SPRY3: variants seen among roughly 807,000 people sequenced by gnomAD.
The protein encoded by SPRY3 is protein sprouty homolog 3.
A neutral mutation model predicts 20.2 loss-of-function variants in SPRY3; 15 were observed. The observed-to-expected ratio is 0.74, with a 90% confidence interval of 0.50 to 1.14. The LOEUF is 1.14. Ranked by LOEUF, SPRY3 falls within the 50% of genes most tolerant of loss-of-function variation. The pLI is 0.00. For missense variants in SPRY3, 364 were observed against 363.9 expected (o/e 1.00, Z 0.00); for synonymous variants, 143 against 136.5 (o/e 1.05, Z -0.33).
chrX:155,760,577 A>C (rs2124591378), intron 2 of SPRY3, among the ~76,000 whole-genome samples: 1 of 152,228 alleles, frequency 6.6e-6, no homozygotes, highest in South Asian at 2.1e-4. Context: ...ACTTTTTGGC[A>C]CCAGGGACCG....
At chrX:155,651,240 G>T (rs2067976485) in intron 1 of SPRY3, among the ~76,000 whole-genome samples, 1 of 109,874 alleles carries the variant, frequency 9.1e-6, no homozygotes. Flanking sequence ...GCTAATTTTT[G>T]TATTTTTAGT....
intron 2 of SPRY3, among the ~76,000 whole-genome samples, chrX:155,749,642 T>C (rs971698480): frequency 6.6e-6 from 1 of 151,690 alleles, no homozygotes; most frequent in Non-Finnish European, 1.5e-5. Context: ...GTGATAGAAA[T>C]TGAGGTGAGG....
chrX:155,693,733 T>C (rs962287833), intron 2 of SPRY3, among the ~76,000 whole-genome samples: 7 of 112,303 alleles, frequency 6.2e-5, no homozygotes, highest in African/African-American at 2.3e-4. Flanking sequence ...AAGTGTGCCA[T>C]TTTGAGGCAG....
intron 2 of SPRY3, among the ~76,000 whole-genome samples, chrX:155,659,285 C>CTT (rs2068002887): frequency 9.1e-6 from 1 of 110,079 alleles, no homozygotes; most frequent in African/African-American, 3.3e-5. Flanking sequence ...GCTGGGACTA[C>CTT]AGGTGTCTGC....
chrX:155,715,206 T>C (rs1405410222), intron 2 of SPRY3, among the ~76,000 whole-genome samples: 1 of 150,282 alleles, frequency 6.7e-6, no homozygotes, highest in Non-Finnish European at 1.5e-5. Context: ...GAAGTCAGCA[T>C]ATCTCAGAGC....
chrX:155,686,780 T>C (rs2124570996), intron 2 of SPRY3, among the ~76,000 whole-genome samples: 1 of 112,361 alleles, frequency 8.9e-6, no homozygotes. Flanking sequence ...CTGCATCCAA[T>C]AGAGAAGAAT....
At chrX:155,616,819 C>A (rs782778828) in intron 1 of SPRY3, among the ~76,000 whole-genome samples, 6 of 110,857 alleles carry the variant, frequency 5.4e-5, no homozygotes, top group African/African-American at 1.6e-4. Context: ...GCTAAAACCA[C>A]AACAGTTCAG....
intron 2 of SPRY3, among the ~76,000 whole-genome samples, chrX:155,711,032 A>G (rs1048553469): frequency 2.6e-5 from 4 of 151,838 alleles, no homozygotes; most frequent in African/African-American, 9.6e-5. Context: ...ATGATAAATG[A>G]TCTTCTCAGT....
At chrX:155,766,317 C>T (rs1307233041) in intron 2 of SPRY3, among the ~76,000 whole-genome samples, 1 of 152,070 alleles carries the variant, frequency 6.6e-6, no homozygotes, top group African/African-American at 2.4e-5. Context: ...GACAGAGTGT[C>T]AGAGGTAGAA....
chrX:155,636,320 T>C (rs1557351020), intron 1 of SPRY3, among the ~76,000 whole-genome samples: 1 of 112,019 alleles, frequency 8.9e-6, no homozygotes, highest in African/African-American at 3.3e-5. Flanking sequence ...GGGGAACCTC[T>C]TTGTATTTCT....
intron 2 of SPRY3, among the ~76,000 whole-genome samples, chrX:155,765,743 T>C (rs1473974902): frequency 6.6e-6 from 1 of 152,212 alleles, no homozygotes; most frequent in Admixed American, 6.5e-5. Flanking sequence ...ACCCAGCTAT[T>C]CAACTTTAAA....
intron 2 of SPRY3, among the ~76,000 whole-genome samples, chrX:155,739,935 C>T (rs2091194736): frequency 6.6e-6 from 1 of 152,132 alleles, no homozygotes; most frequent in Non-Finnish European, 1.5e-5. Flanking sequence ...CACCACCTTT[C>T]CAACAAGGGC....
exon 4 of SPRY3, chrX:155,774,498 G>A (rs1275567358): frequency 3.7e-6 from 6 of 1,613,886 alleles, no homozygotes; most frequent in Non-Finnish European, 5.1e-6. Flanking sequence ...GTGCTGATGA[G>A]CCCTGCTCTT....
downstream of SPRY3, chrX:155,781,351 G>A (rs755221356): frequency 6.0e-6 from 1 of 166,940 alleles, no homozygotes; most frequent in Admixed American, 6.6e-5. Context: ...ACAGTACCCT[G>A]AGACCAATTA....
At chrX:155,730,320 T>C (rs2091124858) in intron 2 of SPRY3, among the ~76,000 whole-genome samples, 1 of 151,998 alleles carries the variant, frequency 6.6e-6, no homozygotes, top group East Asian at 1.9e-4. Context: ...GCACAACACA[T>C]TGAGAAGATC....
intron 2 of SPRY3, among the ~76,000 whole-genome samples, chrX:155,694,599 A>G (rs975823761): frequency 9.0e-6 from 1 of 111,596 alleles, no homozygotes; most frequent in Non-Finnish European, 1.9e-5. Flanking sequence ...TTACATTGTA[A>G]TATATAATGA....
chrX:155,739,365 T>C (rs2091190405), intron 2 of SPRY3, among the ~76,000 whole-genome samples: 1 of 152,152 alleles, frequency 6.6e-6, no homozygotes, highest in South Asian at 2.1e-4. Flanking sequence ...GCAGTTCAGC[T>C]GACAGCATTT....
intron 1 of SPRY3, among the ~76,000 whole-genome samples, chrX:155,627,165 G>A (rs1379091227): frequency 1.8e-5 from 2 of 111,260 alleles, no homozygotes; most frequent in African/African-American, 3.3e-5. Context: ...CATACTGTAC[G>A]ATAGAACTTA....
chrX:155,744,288 A>C (rs900851373), intron 2 of SPRY3, among the ~76,000 whole-genome samples: 10 of 152,094 alleles, frequency 6.6e-5, no homozygotes, highest in African/African-American at 2.4e-4. Context: ...AATGAACAGA[A>C]TGAAGGCAAT....
Sources: allele counts gnomAD v4.1 joint callset (sites outside exome capture counted in the v4.1 genomes callset), GRCh38; gene constraint gnomAD v4.1.1; transcripts MANE v1.5; gene names NCBI Gene and HGNC (gene_info 2026-07-23, HGNC 2026-07-21).